The following MAN1C1 variants were observed in gnomAD, a reference collection of about 807,000 sequenced individuals.
MAN1C1 encodes mannosyl-oligosaccharide 1,2-alpha-mannosidase IC.
Under a neutral mutation model 71.5 loss-of-function variants are expected in MAN1C1, and 49 were observed. The ratio of observed to expected loss-of-function variants is 0.69; its 90% CI spans 0.54 to 0.87. The LOEUF (loss-of-function observed/expected upper bound fraction) is 0.87. Ranked by LOEUF, MAN1C1 falls within the 40% of genes least tolerant of loss-of-function variation. MAN1C1 has a pLI of 0.00. For synonymous variants in MAN1C1, 352 were observed against 343.7 expected, an observed-to-expected ratio of 1.02 and a Z score of -0.27; for missense variants, 743 against 835.0, an observed-to-expected ratio of 0.89 and a Z score of 1.36.
chr1:25,644,518 A>ATATATAT (rs61386117), intron 1 of MAN1C1: 22 of 40,298 alleles, frequency 5.5e-4, no homozygotes, highest in African/African-American at 1.7e-3. Context: ...ATATATATAT[A>ATATATAT]TTTTTTTTTT....
At chr1:25,732,687 T>A (rs1372392079) in intron 2 of MAN1C1, among the ~76,000 whole-genome samples, 5 of 152,088 alleles carry the variant, frequency 3.3e-5, no homozygotes, top group Non-Finnish European at 7.4e-5. Flanking sequence ...CAAGCGTGGG[T>A]TTCCAGGACT....
intron 2 of MAN1C1, among the ~76,000 whole-genome samples, chr1:25,706,432 T>A (rs2046524254): frequency 6.6e-6 from 1 of 151,950 alleles, no homozygotes; most frequent in Non-Finnish European, 1.5e-5. Flanking sequence ...TTAGGGGAGT[T>A]GTGGGCGTGT....
rs1401604790 is a variant in MAN1C1 at position 25,617,246 on chromosome 1, G to T, written c.-552G>T. On this transcript the variant is annotated 5_prime_UTR_variant, in exon 1 of 12. Transcript: ENST00000374332. The surrounding 1 kb of genome is among the most constrained non-coding windows in gnomAD (Gnocchi z 5.1). ...CGAGCCCGGGCGCTGTCGCGACCGG[G>T]CCGGGTGTGCGCGCGCTCGGGGCGG... is the stretch of plus-strand genomic sequence containing the variant. Among the ~76,000 whole-genome samples, 1 of 151,834 alleles carries T rather than the reference G, an allele frequency of 6.6e-6. No homozygotes were observed. Among genetic ancestry groups the T allele is most frequent in the Non-Finnish European group, 1.5e-5 (1 of 67,912 alleles).
chr1:25,686,513 A>G lies in MAN1C1; in HGVS notation c.614A>G (p.Asp205Gly). The change falls in exon 2 of 12, where the codon GAT (aspartate) becomes GGT (glycine). Residue 205 changes from aspartate (D) to glycine (G), a missense_variant. Transcript: ENST00000374332. Reference protein sequence around the residue: ...GKNELRPLTKDGYEGNMFGGL... With the variant: ...GKNELRPLTKGGYEGNMFGGL... ...AACGAACTCCGTCCACTAACAAAAG[A>G]TGGCTACGAGGGTAACATGTTCGGT... The G allele has an allele frequency of 6.2e-7, 1 of 1,614,178 alleles. No individual in the cohort carries two copies. Among genetic ancestry groups the G allele is most frequent in the Non-Finnish European group, 8.5e-7 (1 of 1,180,030 alleles).
At chr1:25,734,078 C>T (rs998560858) in intron 2 of MAN1C1, among the ~76,000 whole-genome samples, 4 of 151,698 alleles carry the variant, frequency 2.6e-5, no homozygotes, top group East Asian at 1.9e-4. Context: ...GGATTACAGG[C>T]GTGAGCCACT....
chr1:25,693,073 A>G (rs536571919), intron 2 of MAN1C1, among the ~76,000 whole-genome samples: 6 of 152,324 alleles, frequency 3.9e-5, no homozygotes, highest in South Asian at 4.1e-4. Flanking sequence ...TTATTAGCCT[A>G]CTGTTGACTG....
Position 25,687,316 on chromosome 1 carries a change from G to A in MAN1C1, c.637+780G>A, listed in dbSNP as rs540468015. ...AGGATTCTCCTAACCTAGAGCCTTG[G>A]GAGTCTCTCTCTGTGGCTCAGAGGG... On this transcript the variant is annotated intron_variant, in intron 2 of 11. Transcript: ENST00000374332. Among the ~76,000 whole-genome samples, 7 of 152,226 alleles carry A rather than the reference G, an allele frequency of 4.6e-5. No individual in the cohort carries two copies. The South Asian group carries it at 1.2e-3, about 27-fold the overall frequency.
In MAN1C1 at chr1:25,769,826, AG is replaced by A. The variant is rs2047522469; in HGVS notation, c.1142-1825del. ...CACACCCGGCGGGCACCCGATGGCA[AG>A]GGGGGCCCACCACCCAAGGGGAGTG... On this transcript the variant is annotated intron_variant, in intron 7 of 11. Coordinates refer to ENST00000374332, the MANE Select transcript of MAN1C1 (RefSeq NM_020379.4). This position sits in a 1 kb window ranked among gnomAD's most constrained non-coding sequence, Gnocchi z 4.8. Among the ~76,000 whole-genome samples, 1 of 152,124 alleles carries A rather than the reference AG, an allele frequency of 6.6e-6. No individual in the cohort carries two copies. The highest frequency in any genetic ancestry group is 1.5e-5 in the Non-Finnish European group (1 of 67,998).
chr1:25,636,514 T>C (rs2045463343), intron 1 of MAN1C1, among the ~76,000 whole-genome samples: 1 of 152,232 alleles, frequency 6.6e-6, no homozygotes, highest in South Asian at 2.1e-4. Context: ...AAGAAAAATA[T>C]GGCTCTATTT....
chr1:25,694,052 T>C (rs2046339862), intron 2 of MAN1C1, among the ~76,000 whole-genome samples: 1 of 152,194 alleles, frequency 6.6e-6, no homozygotes, highest in Non-Finnish European at 1.5e-5. Flanking sequence ...TGGTGCAGAG[T>C]AGGCTTTCAG....
intron 2 of MAN1C1, 32 bp downstream of exon 2, chr1:25,686,568 A>G: frequency 6.3e-7 from 1 of 1,584,918 alleles, no homozygotes; most frequent in Non-Finnish European, 8.7e-7. Context: ...TGATATTGGG[A>G]GGGACCCACC....
At chr1:25,657,354 C>G (rs2045782553) in intron 1 of MAN1C1, among the ~76,000 whole-genome samples, 1 of 152,226 alleles carries the variant, frequency 6.6e-6, no homozygotes, top group Admixed American at 6.5e-5. Context: ...CAAGGGTTAT[C>G]AGGCCAGCCT....
At chr1:25,680,715 A>G (rs965160663) in intron 1 of MAN1C1, among the ~76,000 whole-genome samples, 1 of 152,200 alleles carries the variant, frequency 6.6e-6, no homozygotes, top group Non-Finnish European at 1.5e-5. Flanking sequence ...CATTCAATCA[A>G]TGGACATTTG....
chr1:25,743,172 T>C (rs2047083917), intron 2 of MAN1C1, among the ~76,000 whole-genome samples: 1 of 152,202 alleles, frequency 6.6e-6, no homozygotes, highest in Non-Finnish European at 1.5e-5. Flanking sequence ...TGTTGCTGGC[T>C]CATAGCGGCA....
chr1:25,731,994 G>T (rs1209809941), intron 2 of MAN1C1, among the ~76,000 whole-genome samples: 1 of 152,184 alleles, frequency 6.6e-6, no homozygotes, highest in East Asian at 1.9e-4. Context: ...GCTACCATCT[G>T]TCAGAGAAAA....
In MAN1C1 at chr1:25,634,947, T is replaced by G. The variant is rs2045435131; in HGVS notation, c.540+16610T>G. Among the ~76,000 whole-genome samples the G allele has an allele frequency of 6.6e-6, 1 of 152,158 alleles. No homozygotes were observed. ...GATATTGGTCTATAGTTTTTTTTTTTGTAAATCCTTTGTCTGGTTTTTGGT... is the reference window on the plus strand; with the variant it reads ...GATATTGGTCTATAGTTTTTTTTTTGGTAAATCCTTTGTCTGGTTTTTGGT... On this transcript the variant is annotated intron_variant, in intron 1 of 11. Transcript: ENST00000374332. This position sits in a 1 kb window ranked among gnomAD's most constrained non-coding sequence, Gnocchi z 4.6.
intron 3 of MAN1C1, among the ~76,000 whole-genome samples, chr1:25,748,863 G>A (rs748294883): frequency 2.6e-5 from 4 of 152,132 alleles, no homozygotes; most frequent in Non-Finnish European, 5.9e-5. Flanking sequence ...CTGTCTTCCT[G>A]CTGAGCCTTG....
chr1:25,663,030 G>A lies in MAN1C1; in HGVS notation c.541-23410G>A, dbSNP rs149670970. On this transcript the variant is annotated intron_variant, in intron 1 of 11. Coordinates refer to ENST00000374332, the MANE Select transcript of MAN1C1 (RefSeq NM_020379.4). ...TGCTTGAACCTGGGAGGCAGAGGTT[G>A]CAGTGAGCCGAGATCATGCCACTGC... 9.4e-3 allele frequency among the ~76,000 whole-genome samples: 1,431 copies of A among 151,580 alleles called. 21 individuals are homozygous for A. The highest frequency in any genetic ancestry group is 0.033 in the African/African-American group (1,345 of 41,366).
intron 2 of MAN1C1, among the ~76,000 whole-genome samples, chr1:25,703,504 A>G (rs897741775): frequency 6.6e-6 from 1 of 152,124 alleles, no homozygotes; most frequent in African/African-American, 2.4e-5. Context: ...CAACATGGAG[A>G]AACCCCATCT....
Sources: gnomAD v4.1 joint callset for allele counts (sites outside exome capture counted in the v4.1 genomes callset) on GRCh38, gnomAD v4.1.1 for gene constraint, Gnocchi (gnomAD v3.1) non-coding constraint, MANE v1.5 for transcripts, NCBI Gene and HGNC (gene_info 2026-07-23, HGNC 2026-07-21) for gene names.